Variants in DENND4C observed in about 807,000 individuals in gnomAD.
DENND4C encodes the protein DENN domain-containing protein 4C.
A neutral mutation model predicts 203.0 loss-of-function variants in DENND4C; 108 were observed. The observed-to-expected ratio is 0.53, with a 90% CI of 0.46 to 0.62. The LOEUF (loss-of-function observed/expected upper bound fraction) is 0.62, where lower values mean the gene tolerates loss of function less well. Among genes scored for constraint, DENND4C ranks in the 20% least tolerant of loss-of-function variants. The pLI, the probability that DENND4C is intolerant of heterozygous loss-of-function variation, is 0.00. For missense variants in DENND4C, 2,481 were observed against 2,301.2 expected (o/e 1.08, Z -1.60); for synonymous variants, 871 against 792.4 (o/e 1.10, Z -1.67).
In DENND4C at chr9:19,350,820, A is replaced by C; in HGVS notation, c.4436A>C (p.Asn1479Thr). ...GLVPSELTQSNTSLGSSSSSG... is the reference protein window; with the variant it reads ...GLVPSELTQSTTSLGSSSSSG... ...GTCCCCAGTGAACTTACCCAGAGCA[A>C]CACAAGTCTTGGCAGTAGCAGCAGT... Residue 1479 changes from asparagine (N) to threonine (T), a missense_variant, in exon 24 of 33, where the codon AAC becomes ACC. Around this residue, in one of 3 missense-constraint regions of DENND4C, gnomAD observed 2,289 missense variants for 2,113.3 expected, o/e 1.08. Transcript: ENST00000434457. 6.2e-7 allele frequency: 1 copy of C among 1,614,144 alleles called. No homozygotes were observed. The highest frequency in any genetic ancestry group is 8.5e-7 in the Non-Finnish European group (1 of 1,180,014).
chr9:19,231,937 G>T (rs1292968186), intron 1 of DENND4C, among the ~76,000 whole-genome samples: 1 of 152,102 alleles, frequency 6.6e-6, no homozygotes, highest in Non-Finnish European at 1.5e-5. Context: ...GTGCTAAGGC[G>T]CTAAGTTCTG....
chr9:19,367,079 A>G (rs1228173440), intron 30 of DENND4C, among the ~76,000 whole-genome samples: 1 of 152,232 alleles, frequency 6.6e-6, no homozygotes, highest in Non-Finnish European at 1.5e-5. Context: ...CAAATGGCCA[A>G]AAGCTCATGA....
At position 19,369,853 on chromosome 9, in the gene DENND4C, ATC is replaced by A; in HGVS notation, c.5546_5547del (p.Leu1849ProfsTer23). 1 of 1,596,690 alleles carries A rather than the reference ATC, an allele frequency of 6.3e-7. No homozygotes were observed. The highest frequency in any genetic ancestry group is 8.5e-7 in the Non-Finnish European group (1 of 1,173,598). On this transcript the variant is annotated frameshift_variant, in exon 31 of 33. Coordinates refer to ENST00000434457, the MANE Select transcript of DENND4C (RefSeq NM_001330640.2). LOFTEE classifies it high-confidence loss of function. ...WRNFNSEKKS[S>X]LLSEEQQETS... ...TATTGTTAGATTCTGAAAAGAAATC[ATC>A]TCTCCTGTCAGAGGAACAACAAGAA...
intron 26 of DENND4C, 57 bp from the exon 27 acceptor site, chr9:19,356,915 A>G (rs1825562028): frequency 2.0e-6 from 3 of 1,486,666 alleles, no homozygotes; most frequent in Admixed American, 2.0e-5. Context: ...ATATGATAGA[A>G]TTTTAGAAAA....
rs1265624967 is a variant in DENND4C, at chr9:19,298,094, C to T, written c.1079C>T (p.Ser360Leu). 1.2e-6 allele frequency: 2 copies of T among 1,610,430 alleles called. No homozygotes were observed. The highest frequency in any genetic ancestry group is 1.1e-5 in the South Asian group (1 of 90,010). The change falls in exon 7 of 33, where the codon TCA becomes TTA. Residue 360 changes from serine to leucine, a missense_variant. Physicochemically the swap from Ser to Leu is moderately radical, Grantham distance 145. Transcript: ENST00000434457. ...TTTATGCAAAACATCCCTTTTCCTT[C>T]ACCACAAAGACCGAGAATCCTTGTC... is the stretch of plus-strand genomic sequence containing the variant. ...SHFMQNIPFP[S>L]PQRPRILVQL...
At chr9:19,370,793 T>C (rs904758391) in intron 31 of DENND4C, among the ~76,000 whole-genome samples, 4 of 152,250 alleles carry the variant, frequency 2.6e-5, no homozygotes, top group Non-Finnish European at 5.9e-5. Flanking sequence ...AAGTGAATTT[T>C]GCAGTAGAAG....
intron 10 of DENND4C, among the ~76,000 whole-genome samples, chr9:19,305,992 A>T (rs1333724917): frequency 2.0e-4 from 31 of 152,370 alleles, no homozygotes; most frequent in Non-Finnish European, 4.4e-4. Flanking sequence ...TTTACTGCTT[A>T]GAAATTTATA....
chr9:19,259,684 T>C (rs1828885777), intron 1 of DENND4C, among the ~76,000 whole-genome samples: 1 of 152,038 alleles, frequency 6.6e-6, no homozygotes, highest in Admixed American at 6.6e-5. Context: ...TTTGTATTTT[T>C]AGTAGAGACG....
chr9:19,276,999 T>C (rs1250478456), intron 2 of DENND4C, among the ~76,000 whole-genome samples: 2 of 151,944 alleles, frequency 1.3e-5, no homozygotes, highest in African/African-American at 4.8e-5. Flanking sequence ...AGTCTACCAG[T>C]GAAGGACATT....
Position 19,233,767 on chromosome 9 carries a change from A to AT in DENND4C, c.-18+2939dup, listed in dbSNP as rs530847757. Among the ~76,000 whole-genome samples, 100 of 151,948 alleles carry AT rather than the reference A, an allele frequency of 6.6e-4. 1 individual carries two copies. Among genetic ancestry groups the AT allele is most frequent in the South Asian group, 1.7e-3 (8 of 4,802 alleles). The stretch of plus-strand genomic sequence containing the variant: ...GCCACCACGCCTGGCTAATTTTTGA[A>AT]TTTTTAGTAGAGAAGGGGTTTCACT... On this transcript the variant is annotated intron_variant, in intron 1 of 32. Coordinates refer to ENST00000434457, the MANE Select transcript of DENND4C (RefSeq NM_001330640.2).
chr9:19,280,018 A>AG (rs1564114239), intron 2 of DENND4C, among the ~76,000 whole-genome samples: 1 of 151,574 alleles, frequency 6.6e-6, no homozygotes, highest in African/African-American at 2.4e-5. Flanking sequence ...ATATAGGAAA[A>AG]AGATATTTTA....
intron 1 of DENND4C, among the ~76,000 whole-genome samples, chr9:19,237,021 T>C (rs1051469999): frequency 5.9e-5 from 9 of 152,208 alleles, no homozygotes; most frequent in Non-Finnish European, 1.3e-4. Context: ...TTATAGGCGA[T>C]TTGACTTTTT....
chr9:19,263,657 A>ATT (rs111309104), intron 1 of DENND4C, among the ~76,000 whole-genome samples: 2,316 of 99,286 alleles, frequency 0.023, 63 homozygotes, highest in African/African-American at 0.078. Context: ...TTTTCTTCCC[A>ATT]TTTTTTTTTT....
At chr9:19,319,347 T>C (rs1355847878) in intron 12 of DENND4C, among the ~76,000 whole-genome samples, 2 of 43,560 alleles carry the variant, frequency 4.6e-5, no homozygotes, top group African/African-American at 1.2e-4. Flanking sequence ...CACATATATA[T>C]ATACTTATAT....
At chr9:19,321,476 T>TTTTG (rs1167366880) in intron 12 of DENND4C, among the ~76,000 whole-genome samples, 17 of 151,980 alleles carry the variant, frequency 1.1e-4, no homozygotes, top group Non-Finnish European at 1.6e-4. Flanking sequence ...AAGGTTTTTT[T>TTTTG]TTTTGTTTTG....
At chr9:19,244,885 T>C (rs1221782656) in intron 1 of DENND4C, among the ~76,000 whole-genome samples, 1 of 152,206 alleles carries the variant, frequency 6.6e-6, no homozygotes, top group African/African-American at 2.4e-5. Context: ...TAGACCTCCC[T>C]TACTGGGTTG....
Position 19,298,226 on chromosome 9 carries a change from A to G in DENND4C, c.1107+104A>G, listed in dbSNP as rs764501616. On this transcript the variant is annotated intron_variant, in intron 7 of 32. Coordinates refer to ENST00000434457, the MANE Select transcript of DENND4C (RefSeq NM_001330640.2). ...TTGGGTTTGAGGTGGAGCAATATGC[A>G]TTCATAAAGTCCTTGGATTTTCTGT... 8 of 944,282 alleles carry G rather than the reference A, an allele frequency of 8.5e-6. No homozygotes were observed. In the South Asian group the frequency reaches 1.1e-4, roughly 12 times the overall value. The allele number at this position is 944,282 out of a possible 1,614,324, so 58.5% of individuals were successfully genotyped here.
Position 19,286,946 on chromosome 9 carries a change from T to C in DENND4C, c.483T>C (p.Cys161=). 8.1e-7 allele frequency: 1 copy of C among 1,232,106 alleles called. No homozygotes were observed. Among genetic ancestry groups the C allele is most frequent in the Non-Finnish European group, 1.0e-6 (1 of 987,944 alleles). 76.3% of individuals were successfully genotyped at this position (1,232,106 alleles called of 1,614,324 possible). The part of the protein sequence containing the change: ...PQNSLAVTDI[C]VIVTSKGETP... ...ATTCCTTGGCTGTAACTGATATCTG[T>C]GTTATTGTAACCAGTAAAGGAGAAA... is the stretch of plus-strand genomic sequence containing the variant. The change falls in exon 3 of 33, where the codon TGT becomes TGC. Residue 161 remains cysteine (C), a synonymous_variant. Coordinates refer to ENST00000434457, the MANE Select transcript of DENND4C (RefSeq NM_001330640.2).
Position 19,276,138 on chromosome 9 carries a change from C to G in DENND4C, c.-17-20C>G. The G allele has an allele frequency of 7.2e-5, 84 of 1,167,758 alleles. No homozygotes were observed. Among genetic ancestry groups the G allele is most frequent in the South Asian group, 8.7e-5 (2 of 22,940 alleles). The allele number at this position is 1,167,758 out of a possible 1,614,324, so 72.3% of individuals were successfully genotyped here. On this transcript the variant is annotated intron_variant, in intron 1 of 32. Coordinates refer to ENST00000434457, the MANE Select transcript of DENND4C (RefSeq NM_001330640.2). The stretch of plus-strand genomic sequence containing the variant: ...ATAAAGTATTTTATTTTATTGGTAT[C>G]TTTCCCCTCCCTCTTCTAGAAAATA...
Sources: allele counts gnomAD v4.1 joint callset (sites outside exome capture counted in the v4.1 genomes callset), GRCh38; gene constraint gnomAD v4.1.1; regional missense constraint gnomAD v4.1.1; transcripts MANE v1.5; gene names NCBI Gene and HGNC (gene_info 2026-07-23, HGNC 2026-07-21).